Variants in CCDC88A observed in about 807,000 individuals in gnomAD.
CCDC88A encodes the protein coiled-coil and HOOK domain protein 88A.
In CCDC88A, 54 loss-of-function variants were observed where a neutral mutation model predicts 234.3. The ratio of observed to expected loss-of-function variants is 0.23; its 90% CI spans 0.19 to 0.29. CCDC88A has a LOEUF of 0.29. CCDC88A is among the 10% of genes least tolerant of loss of function. The pLI is 1.00. For synonymous variants in CCDC88A, 753 were observed against 737.8 expected, an observed-to-expected ratio of 1.02 and a Z score of -0.33; for missense variants, 1,832 against 2,123.4, an observed-to-expected ratio of 0.86 and a Z score of 2.70.
chr2:55,385,069 C>T (rs1675366832), intron 3 of CCDC88A, among the ~76,000 whole-genome samples: 2 of 152,016 alleles, frequency 1.3e-5, no homozygotes, highest in South Asian at 4.2e-4. Flanking sequence ...GATAAAGTCC[C>T]CCCAAAAAAT....
intron 11 of CCDC88A, chr2:55,344,137 G>T: frequency 2.7e-6 from 1 of 366,792 alleles, no homozygotes; most frequent in East Asian, 4.2e-5. Context: ...TATTTATTGT[G>T]GTATTAAAAG....
At chr2:55,339,409 TTTA>T in intron 13 of CCDC88A, 52 bp downstream of exon 13, 1 of 1,225,256 alleles carries the variant, frequency 8.2e-7, no homozygotes, top group Non-Finnish European at 1.1e-6. Flanking sequence ...GGGCTATTTA[TTTA>T]CACTTTTACA....
Position 55,334,055 on chromosome 2 carries a change from T to C in CCDC88A, c.2727+39A>G. On this transcript the variant is annotated intron_variant, in intron 15 of 32. Transcript: ENST00000436346. This position sits in a 1 kb window ranked among gnomAD's most constrained non-coding sequence, Gnocchi z 6.1. ...TTAAAGAAACCTTGAGTTAAAAATA[T>C]AAAAAAAAATTTGCCTTAATTTAGG... The C allele has an allele frequency of 1.3e-6, 1 of 744,554 alleles. No homozygotes were observed. The allele number at this position is 744,554 out of a possible 1,614,324, so 46.1% of individuals were successfully genotyped here.
intron 12 of CCDC88A, 95 bp downstream of exon 12, chr2:55,343,553 G>A (rs1668750832): frequency 4.4e-6 from 4 of 903,052 alleles, no homozygotes; most frequent in Non-Finnish European, 6.7e-6. Context: ...AGTCTTCTGA[G>A]ATATCTCCCA....
At position 55,319,007 on chromosome 2, in the gene CCDC88A, T is replaced by A; in HGVS notation, c.3163-3A>T. On this transcript the variant is annotated splice_region_variant and splice_polypyrimidine_tract_variant and intron_variant, in intron 18 of 32. Coordinates refer to ENST00000436346, the MANE Select transcript of CCDC88A (RefSeq NM_001365480.1). ...TTCTCTGCTTGCAGTGTAGCATTCT[T>A]GAAAAACAAAAACCAAAACCAAACA... 1 of 1,609,880 alleles carries A rather than the reference T, an allele frequency of 6.2e-7. No homozygotes were observed. Among genetic ancestry groups the A allele is most frequent in the African/African-American group, 1.3e-5 (1 of 74,904 alleles).
intron 2 of CCDC88A, among the ~76,000 whole-genome samples, chr2:55,391,310 C>A (rs537398492): frequency 9.2e-5 from 14 of 152,240 alleles, no homozygotes; most frequent in African/African-American, 2.9e-4. Flanking sequence ...ACTTGACAAC[C>A]TGCCAAAACA....
chr2:55,382,762 A>G (rs1674803750), intron 3 of CCDC88A, among the ~76,000 whole-genome samples: 1 of 152,220 alleles, frequency 6.6e-6, no homozygotes, highest in Admixed American at 6.5e-5. Context: ...TTTAACCATA[A>G]TGAAGTATAT....
chr2:55,308,653 G>T, intron 25 of CCDC88A, 156 bp downstream of exon 25: 1 of 607,928 alleles, frequency 1.6e-6, no homozygotes, highest in Non-Finnish European at 2.9e-6. Context: ...AAATTGTGTG[G>T]CTGTACACTA....
chr2:55,391,665 C>T (rs1194376497), intron 2 of CCDC88A, among the ~76,000 whole-genome samples: 3 of 152,144 alleles, frequency 2.0e-5, no homozygotes, highest in Non-Finnish European at 4.4e-5. Flanking sequence ...GGATTAGAAA[C>T]TGTATAGCAA....
intron 4 of CCDC88A, among the ~76,000 whole-genome samples, chr2:55,374,324 T>C (rs1673271108): frequency 1.3e-5 from 2 of 152,248 alleles, no homozygotes; most frequent in Middle Eastern, 3.4e-3. Context: ...GCCAAGATCA[T>C]GCCATTGCAC....
chr2:55,319,276 T>G (rs1683332651), intron 18 of CCDC88A, among the ~76,000 whole-genome samples: 1 of 152,162 alleles, frequency 6.6e-6, no homozygotes. Flanking sequence ...AAATATCCCA[T>G]TCTAAATATA....
At chr2:55,351,747 T>C (rs1287785636) in intron 8 of CCDC88A, among the ~76,000 whole-genome samples, 1 of 152,194 alleles carries the variant, frequency 6.6e-6, no homozygotes, top group Non-Finnish European at 1.5e-5. Flanking sequence ...TCAAAACAGA[T>C]GTCTACAGAA....
At chr2:55,389,669 C>T (rs1676268877) in intron 2 of CCDC88A, among the ~76,000 whole-genome samples, 7 of 152,088 alleles carry the variant, frequency 4.6e-5, no homozygotes, top group Admixed American at 4.6e-4. Context: ...TCTCAAGACC[C>T]CTTTGTAATC....
At chr2:55,339,815 C>CA in intron 12 of CCDC88A, 167 bp from the exon 13 acceptor site, 1 of 527,430 alleles carries the variant, frequency 1.9e-6, no homozygotes. Flanking sequence ...AGAAGTAAAT[C>CA]TTTTTTTTCC....
intron 29 of CCDC88A, among the ~76,000 whole-genome samples, chr2:55,297,356 A>AATAT (rs1256533819): frequency 1.1e-5 from 1 of 93,642 alleles, no homozygotes; most frequent in Non-Finnish European, 1.8e-5. Flanking sequence ...ATTATATATA[A>AATAT]ATATATATAA....
chr2:55,419,102 A>G lies in CCDC88A; in HGVS notation c.-23T>C. On this transcript the variant is annotated 5_prime_UTR_variant, in exon 1 of 33. Coordinates refer to ENST00000436346, the MANE Select transcript of CCDC88A (RefSeq NM_001365480.1). ...CATTTTACAGAGTATGTATTTGAAAAAAGGAACTACCACAAAAATACGCCT... is the reference window on the plus strand; with the variant it reads ...CATTTTACAGAGTATGTATTTGAAAGAAGGAACTACCACAAAAATACGCCT... The G allele has an allele frequency of 6.7e-7, 1 of 1,484,260 alleles. No homozygotes were observed. Among genetic ancestry groups the G allele is most frequent in the Non-Finnish European group, 9.4e-7 (1 of 1,064,696 alleles). 91.9% of individuals were successfully genotyped at this position (1,484,260 alleles called of 1,614,324 possible). A position where few individuals can be genotyped will look rare whatever the true frequency, so the allele number is the denominator to read the frequency against.
At chr2:55,374,907 G>A (rs1480049566) in intron 3 of CCDC88A, 24 bp from the exon 4 acceptor site, 3 of 1,422,294 alleles carry the variant, frequency 2.1e-6, no homozygotes, top group African/African-American at 1.4e-5. Context: ...TCCAACACTT[G>A]TTATATGGGT....
At chr2:55,416,735 T>G (rs953868984) in intron 2 of CCDC88A, among the ~76,000 whole-genome samples, 2 of 151,570 alleles carry the variant, frequency 1.3e-5, no homozygotes, top group Non-Finnish European at 1.5e-5. Flanking sequence ...ATAGAGTACA[T>G]TAAAGCATAC....
chr2:55,386,360 G>A (rs1203396523), intron 3 of CCDC88A, among the ~76,000 whole-genome samples: 2 of 152,054 alleles, frequency 1.3e-5, no homozygotes, highest in African/African-American at 4.8e-5. Context: ...AACACTTTGG[G>A]AGGCTGAGGC....
Sources: gnomAD v4.1 joint callset for allele counts (sites outside exome capture counted in the v4.1 genomes callset) on GRCh38, gnomAD v4.1.1 for gene constraint, Gnocchi (gnomAD v3.1) non-coding constraint, MANE v1.5 for transcripts, NCBI Gene and HGNC (gene_info 2026-07-23, HGNC 2026-07-21) for gene names.